Variants in TRIM36 observed in about 807,000 individuals in gnomAD.
TRIM36 encodes E3 ubiquitin-protein ligase TRIM36.
Under a neutral mutation model 72.4 loss-of-function variants are expected in TRIM36, and 42 were observed. The observed-to-expected ratio is 0.58, with a 90% CI of 0.45 to 0.75. The LOEUF (loss-of-function observed/expected upper bound fraction) is 0.75. Ranked by LOEUF, TRIM36 falls within the 30% of genes least tolerant of loss-of-function variation. TRIM36 has a pLI of 0.00. For synonymous variants in TRIM36, 315 were observed against 282.8 expected, an observed-to-expected ratio of 1.11 and a Z score of -1.14; for missense variants, 913 against 857.1, an observed-to-expected ratio of 1.07 and a Z score of -0.81.
rs528509643 is a variant in TRIM36 at position 115,136,253 on chromosome 5, AAT to A, written c.1210+745_1210+746del. Among the ~76,000 whole-genome samples the A allele has an allele frequency of 2.2e-3, 331 of 151,670 alleles. 1 individual carries two copies. Among genetic ancestry groups the A allele is most frequent in the African/African-American group, 7.7e-3 (320 of 41,334 alleles). ...AGGTCATTAGAATGGGCCCTACTCC[AAT>A]ATGACTGGTGTCCTTATAAAAAGAG... On this transcript the variant is annotated intron_variant, in intron 7 of 9. Coordinates refer to ENST00000513154, the MANE Select transcript of TRIM36 (RefSeq NM_001300759.2).
upstream of TRIM36, among the ~76,000 whole-genome samples, chr5:115,170,558 A>C (rs1316310254): frequency 6.6e-6 from 1 of 152,088 alleles, no homozygotes; most frequent in African/African-American, 2.4e-5. Flanking sequence ...GGCTTGTCCC[A>C]GTTCTCTTCT....
chr5:115,142,612 T>C (rs1753338130), intron 4 of TRIM36, among the ~76,000 whole-genome samples: 1 of 152,190 alleles, frequency 6.6e-6, no homozygotes, highest in Admixed American at 6.5e-5. Flanking sequence ...TATCTGAGAA[T>C]AGCTTTTATC....
chr5:115,153,287 AAAG>A (rs565698035), intron 2 of TRIM36, among the ~76,000 whole-genome samples: 60 of 152,360 alleles, frequency 3.9e-4, no homozygotes, highest in African/African-American at 1.4e-3. Flanking sequence ...TTAAAAAGAC[AAAG>A]AAGGACATTA....
chr5:115,130,772 C>G lies in TRIM36; in HGVS notation c.1616G>C (p.Arg539Pro). The G allele has an allele frequency of 6.2e-7, 1 of 1,614,128 alleles. No homozygotes were observed. The change falls in exon 9 of 10, where the codon CGC (arginine) becomes CCC (proline). Residue 539 changes from arginine to proline, a missense_variant. Arg to Pro is a moderately radical substitution (Grantham distance 103, BLOSUM62 -2). Transcript: ENST00000513154. ...AGFNLLLAAE[R>P]IQVGYYTSLD... ...GCTTGTGTAATAACCCACTTGGATG[C>G]GTTCTGCAGCAAGCAGAAGATTAAA...
At chr5:115,140,380 T>C (rs1021601081) in intron 5 of TRIM36, among the ~76,000 whole-genome samples, 1 of 152,220 alleles carries the variant, frequency 6.6e-6, no homozygotes, top group Non-Finnish European at 1.5e-5. Flanking sequence ...CCCCTTTTAC[T>C]ATTATTTTTA....
At chr5:115,141,548 G>A (rs1753276780) in intron 4 of TRIM36, among the ~76,000 whole-genome samples, 174 bp from the exon 5 acceptor site, 1 of 152,032 alleles carries the variant, frequency 6.6e-6, no homozygotes, top group Non-Finnish European at 1.5e-5. Context: ...AATGGCCTTA[G>A]GCACAGAGGG....
At chr5:115,139,176 A>AATGGAGTG (rs1359038547) in intron 5 of TRIM36, among the ~76,000 whole-genome samples, 9 of 147,590 alleles carry the variant, frequency 6.1e-5, no homozygotes, top group Admixed American at 4.8e-4. Context: ...GCTAGAGTGC[A>AATGGAGTG]ATGGAGTGAT....
chr5:115,169,975 G>T, upstream of TRIM36: 1 of 1,153,898 alleles, frequency 8.7e-7, no homozygotes, highest in Non-Finnish European at 1.1e-6. Flanking sequence ...GCGTGGCCTG[G>T]TCGTTGCCCA....
At chr5:115,162,419 A>G (rs17137503) in intron 2 of TRIM36, among the ~76,000 whole-genome samples, 7,851 of 152,318 alleles carry the variant, frequency 0.052, 247 homozygotes, top group East Asian at 0.079. Context: ...CATCCATTCA[A>G]CAAATATTTA....
At chr5:115,144,385 T>C (rs777851281) in intron 4 of TRIM36, among the ~76,000 whole-genome samples, 14 of 152,138 alleles carry the variant, frequency 9.2e-5, no homozygotes, top group African/African-American at 3.1e-4. Flanking sequence ...TAATACAACA[T>C]AGGTGTCAAT....
At chr5:115,133,566 T>C (rs1306111633) in intron 8 of TRIM36, among the ~76,000 whole-genome samples, 1 of 152,194 alleles carries the variant, frequency 6.6e-6, no homozygotes, top group African/African-American at 2.4e-5. Flanking sequence ...TAAAATAGCA[T>C]TTATGCTATT....
intron 2 of TRIM36, among the ~76,000 whole-genome samples, chr5:115,156,930 C>T (rs1359398672): frequency 2.0e-5 from 3 of 152,168 alleles, no homozygotes; most frequent in African/African-American, 7.2e-5. Context: ...TGACAAAGGA[C>T]TAACATCCAG....
intron 2 of TRIM36, among the ~76,000 whole-genome samples, chr5:115,151,015 G>A (rs193004911): frequency 6.6e-6 from 1 of 152,348 alleles, no homozygotes; most frequent in African/African-American, 2.4e-5. Context: ...AATTTGAACT[G>A]ATGGAGAAGC....
chr5:115,139,230 C>A (rs1284899027), intron 5 of TRIM36, among the ~76,000 whole-genome samples: 1 of 151,876 alleles, frequency 6.6e-6, no homozygotes, highest in Non-Finnish European at 1.5e-5. Context: ...AAGCAATTCT[C>A]CTGCCTCAGC....
intron 4 of TRIM36, among the ~76,000 whole-genome samples, chr5:115,143,583 C>T (rs992612839): frequency 4.0e-5 from 6 of 151,806 alleles, no homozygotes; most frequent in East Asian, 1.9e-4. Flanking sequence ...ACCTGTATTT[C>T]GTATGTGCAG....
intron 2 of TRIM36, among the ~76,000 whole-genome samples, chr5:115,162,887 T>A (rs1003817768): frequency 6.6e-6 from 1 of 152,188 alleles, no homozygotes; most frequent in Non-Finnish European, 1.5e-5. Context: ...TCCTAGTTAG[T>A]ATTTCAGTAG....
At chr5:115,168,349 T>C (rs1303143417) in intron 1 of TRIM36, among the ~76,000 whole-genome samples, 1 of 152,196 alleles carries the variant, frequency 6.6e-6, no homozygotes, top group East Asian at 1.9e-4. Context: ...ACGTAGTTTT[T>C]TCCATGTATC....
chr5:115,172,585 A>G (rs1430851260), upstream of TRIM36, among the ~76,000 whole-genome samples: 2 of 152,104 alleles, frequency 1.3e-5, no homozygotes, highest in African/African-American at 4.8e-5. Context: ...AAAATACAAA[A>G]ATTAGCCTGG....
chr5:115,171,217 C>G (rs761026348), upstream of TRIM36: 5 of 1,614,040 alleles, frequency 3.1e-6, no homozygotes, highest in Non-Finnish European at 4.2e-6. Context: ...GTCTCCAATC[C>G]GGCATCTAAA....
Sources: allele counts gnomAD v4.1 joint callset (sites outside exome capture counted in the v4.1 genomes callset), GRCh38; gene constraint gnomAD v4.1.1; transcripts MANE v1.5; gene names NCBI Gene and HGNC (gene_info 2026-07-23, HGNC 2026-07-21).